The following RGS6 variants were observed in gnomAD, a reference collection of about 807,000 sequenced individuals.
The protein encoded by RGS6 is regulator of G protein signaling 6.
RGS6 carries 30 observed loss-of-function variants against 78.5 expected under a neutral mutation model. The ratio of observed to expected loss-of-function variants is 0.38; its 90% confidence interval spans 0.29 to 0.52. The LOEUF (loss-of-function observed/expected upper bound fraction) is 0.52. Among genes scored for constraint, RGS6 ranks in the 20% least tolerant of loss-of-function variants. The pLI is 0.85. For synonymous variants in RGS6, 206 were observed against 206.0 expected, an observed-to-expected ratio of 1.00 and a Z score of 0.00; for missense variants, 495 against 609.7, an observed-to-expected ratio of 0.81 and a Z score of 1.98.
intron 1 of RGS6, among the ~76,000 whole-genome samples, chr14:71,939,133 C>T (rs2090072806): frequency 6.6e-6 from 1 of 152,194 alleles, no homozygotes; most frequent in South Asian, 2.1e-4. Flanking sequence ...CGGAGTAACA[C>T]ACCCAAATGA....
chr14:72,366,899 T>C (rs1357323276), intron 3 of RGS6, among the ~76,000 whole-genome samples: 1 of 152,240 alleles, frequency 6.6e-6, no homozygotes, highest in Admixed American at 6.5e-5. Context: ...TCCAGGATAA[T>C]TCTCCATCAC....
intron 8 of RGS6, among the ~76,000 whole-genome samples, chr14:72,470,858 A>T (rs1404060964): frequency 1.4e-5 from 2 of 147,644 alleles, no homozygotes; most frequent in Admixed American, 1.4e-4. Flanking sequence ...CAGCCTGGGC[A>T]ACAAGAGCAA....
chr14:72,627,992 T>C, the RGS6 span, among the ~76,000 whole-genome samples: 1 of 152,116 alleles, frequency 6.6e-6, no homozygotes, highest in East Asian at 1.9e-4. Context: ...TGTTACCTTT[T>C]ATGTTTGAGT....
At chr14:72,007,337 G>A (rs1022848104) in intron 2 of RGS6, among the ~76,000 whole-genome samples, 2 of 152,088 alleles carry the variant, frequency 1.3e-5, no homozygotes, top group African/African-American at 4.8e-5. Flanking sequence ...GGCACTTTTA[G>A]GAAAACAAGG....
intron 2 of RGS6, among the ~76,000 whole-genome samples, chr14:72,047,103 CA>C (rs1331210224): frequency 6.6e-6 from 1 of 152,146 alleles, no homozygotes; most frequent in Non-Finnish European, 1.5e-5. Context: ...CTTGCGTAGA[CA>C]GCTGTTCTTG....
intron 2 of RGS6, among the ~76,000 whole-genome samples, chr14:72,156,002 C>G (rs1567332269): frequency 6.6e-6 from 1 of 152,220 alleles, no homozygotes; most frequent in Non-Finnish European, 1.5e-5. Flanking sequence ...AAAATACTGA[C>G]ACTTGGGTTC....
intron 2 of RGS6, among the ~76,000 whole-genome samples, chr14:72,128,447 GCTC>G (rs2096248299): frequency 6.6e-6 from 1 of 152,018 alleles, no homozygotes; most frequent in Non-Finnish European, 1.5e-5. Flanking sequence ...CTGAATGACT[GCTC>G]AATATAGTAC....
chr14:72,075,806 T>C (rs2094553142), intron 2 of RGS6, among the ~76,000 whole-genome samples: 1 of 152,192 alleles, frequency 6.6e-6, no homozygotes, highest in South Asian at 2.1e-4. Context: ...GTACCTTACG[T>C]GACCTCCGGA....
At chr14:71,899,051 T>C in the RGS6 span, among the ~76,000 whole-genome samples, 1 of 152,204 alleles carries the variant, frequency 6.6e-6, no homozygotes, top group Admixed American at 6.5e-5. Context: ...GAAAAACCAA[T>C]AGGCTGGTGA....
At chr14:72,599,175 A>G in the RGS6 span, among the ~76,000 whole-genome samples, 2 of 152,154 alleles carry the variant, frequency 1.3e-5, no homozygotes, top group African/African-American at 2.4e-5. Context: ...TCTTTCCCCA[A>G]CAAAATTTTA....
chr14:72,290,759 T>C lies in RGS6; in HGVS notation c.85-61336T>C, dbSNP rs574415221. ...AAAGGAAGTGCTCAATTTGCACCTA[T>C]GTTAGCAGAGCCTCACACGGATTAA... On this transcript the variant is annotated intron_variant, in intron 2 of 17. Coordinates refer to ENST00000553525, the MANE Select transcript of RGS6 (RefSeq NM_001204424.2). 7.0e-4 allele frequency among the ~76,000 whole-genome samples: 106 copies of C among 152,332 alleles called. 2 individuals carry two copies. The highest frequency in any genetic ancestry group is 2.4e-3 in the African/African-American group (101 of 41,588).
intron 17 of RGS6, among the ~76,000 whole-genome samples, chr14:72,553,794 C>T (rs2097536727): frequency 6.6e-6 from 1 of 152,196 alleles, no homozygotes; most frequent in Non-Finnish European, 1.5e-5. Flanking sequence ...CATAACTCTT[C>T]CTCTGTGGGC....
intron 2 of RGS6, among the ~76,000 whole-genome samples, chr14:72,148,129 TAAAAAAAAA>T (rs35367140): frequency 4.4e-5 from 3 of 67,566 alleles, no homozygotes; most frequent in African/African-American, 2.0e-4. Context: ...AGACTCCATC[TAAAAAAAAA>T]AAAAAAAAAA....
At chr14:72,176,560 A>T (rs1310737019) in intron 2 of RGS6, among the ~76,000 whole-genome samples, 1 of 152,206 alleles carries the variant, frequency 6.6e-6, no homozygotes, top group Non-Finnish European at 1.5e-5. Flanking sequence ...CATATAGGAG[A>T]CAATCCCCTT....
chr14:72,355,170 T>A (rs116658806), intron 3 of RGS6, among the ~76,000 whole-genome samples: 1,816 of 151,882 alleles, frequency 0.012, 33 homozygotes, highest in African/African-American at 0.042. Flanking sequence ...ATTTCAATTA[T>A]TTTTTATTTT....
At chr14:71,874,687 A>G in the RGS6 span, among the ~76,000 whole-genome samples, 26 of 152,178 alleles carry the variant, frequency 1.7e-4, no homozygotes, top group African/African-American at 2.4e-4. Context: ...ATGTTGAATA[A>G]GAGTGGTGAG....
At chr14:72,178,857 A>G (rs2097138950) in intron 2 of RGS6, among the ~76,000 whole-genome samples, 1 of 152,352 alleles carries the variant, frequency 6.6e-6, no homozygotes, top group Admixed American at 6.5e-5. Flanking sequence ...CAGACTTAGA[A>G]TAGTCCTGCA....
chr14:72,278,066 A>G (rs1879292), intron 2 of RGS6, among the ~76,000 whole-genome samples: 92,778 of 152,006 alleles, frequency 0.61, 28,434 homozygotes, highest in Non-Finnish European at 0.64. Flanking sequence ...TGATAGGAGG[A>G]TGGGGCAGAA....
intron 2 of RGS6, among the ~76,000 whole-genome samples, chr14:72,034,890 A>T (rs1373881818): frequency 6.6e-6 from 1 of 152,130 alleles, no homozygotes; most frequent in African/African-American, 2.4e-5. Context: ...CTGCAGTTTC[A>T]GGTACTGGCA....
Sources: gnomAD v4.1 joint callset for allele counts (sites outside exome capture counted in the v4.1 genomes callset) on GRCh38, gnomAD v4.1.1 for gene constraint, MANE v1.5 for transcripts, NCBI Gene and HGNC (gene_info 2026-07-23, HGNC 2026-07-21) for gene names.